Variants in GNB1L observed in about 807,000 individuals in gnomAD.
The protein encoded by GNB1L is G protein subunit beta 1 like, also known as guanine nucleotide-binding protein subunit beta-like protein 1.
In GNB1L, 20 loss-of-function variants were observed where a neutral mutation model predicts 29.1. The ratio of observed to expected loss-of-function variants is 0.69; its 90% CI spans 0.48 to 1.00. GNB1L has a LOEUF of 1.00. Among genes scored for constraint, GNB1L ranks in the 50% least tolerant of loss-of-function variants. GNB1L has a pLI of 0.00. For missense variants in GNB1L, 421 were observed against 464.9 expected, an observed-to-expected ratio of 0.91 and a Z score of 0.87; for synonymous variants, 193 against 206.5, an observed-to-expected ratio of 0.93 and a Z score of 0.56.
At chr22:19,846,004 G>A (rs1454888259) in intron 2 of GNB1L, 1 of 152,270 alleles carries the variant, frequency 6.6e-6, no homozygotes, top group Non-Finnish European at 1.5e-5. Flanking sequence ...TGGCTCACGG[G>A]TGGCTGCAGC....
chr22:19,842,990 T>C (rs929808056), intron 2 of GNB1L, among the ~76,000 whole-genome samples: 1 of 152,236 alleles, frequency 6.6e-6, no homozygotes, highest in Non-Finnish European at 1.5e-5. Flanking sequence ...GGGGCTCCGT[T>C]TGGCGATTCG....
chr22:19,848,530 T>C, intron 2 of GNB1L: 2 of 985,534 alleles, frequency 2.0e-6, no homozygotes, highest in Non-Finnish European at 2.4e-6. Context: ...GAGTCCATCG[T>C]TGCCTCCACC....
intron 6 of GNB1L, among the ~76,000 whole-genome samples, chr22:19,803,918 C>T (rs528591601): frequency 2.6e-5 from 4 of 152,390 alleles, no homozygotes; most frequent in East Asian, 3.9e-4. Flanking sequence ...TGGGGCTGCT[C>T]CCATCACCGA....
chr22:19,850,405 C>T, intron 2 of GNB1L: 4 of 990,544 alleles, frequency 4.0e-6, no homozygotes, highest in Non-Finnish European at 4.8e-6. Context: ...GCGGAGTGAG[C>T]AGGGGATGGC....
intron 2 of GNB1L, among the ~76,000 whole-genome samples, chr22:19,844,144 G>A (rs1347060521): frequency 6.6e-6 from 1 of 152,210 alleles, no homozygotes; most frequent in Middle Eastern, 3.2e-3. Flanking sequence ...ACCCCACCAG[G>A]TCTGTGCCGC....
intron 2 of GNB1L, chr22:19,851,025 C>G (rs1369209275): frequency 6.9e-7 from 1 of 1,441,676 alleles, no homozygotes; most frequent in Non-Finnish European, 9.1e-7. Context: ...AGCGCAGAGT[C>G]CAAAACAAGC....
intron 2 of GNB1L, chr22:19,846,466 G>A (rs1052988): frequency 0.22 from 218,700 of 984,204 alleles, 24,853 homozygotes; most frequent in Middle Eastern, 0.26. Flanking sequence ...AGAACCCAGG[G>A]CCTGGGGGAC....
At chr22:19,810,457 C>CG (rs971786698) in intron 5 of GNB1L, among the ~76,000 whole-genome samples, 1 of 152,074 alleles carries the variant, frequency 6.6e-6, no homozygotes, top group Non-Finnish European at 1.5e-5. Context: ...CAGGAGGGAG[C>CG]GGGGGTGGCG....
At chr22:19,854,167 T>G (rs1938179143) in intron 2 of GNB1L, among the ~76,000 whole-genome samples, 1 of 152,202 alleles carries the variant, frequency 6.6e-6, no homozygotes, top group African/African-American at 2.4e-5. Flanking sequence ...CCACACTGCC[T>G]GGCATAGAAG....
At chr22:19,849,215 A>G (rs1301982071) in intron 2 of GNB1L, 5 of 985,220 alleles carry the variant, frequency 5.1e-6, no homozygotes, top group Non-Finnish European at 6.0e-6. Flanking sequence ...CTTCCCACCT[A>G]TTTCCAAGGT....
intron 2 of GNB1L, among the ~76,000 whole-genome samples, chr22:19,836,088 A>T (rs1937760613): frequency 6.6e-6 from 1 of 152,204 alleles, no homozygotes. Context: ...AAAGAATAGT[A>T]AAACAAATGA....
chr22:19,845,816 G>A (rs1937948701), intron 2 of GNB1L, among the ~76,000 whole-genome samples: 1 of 152,256 alleles, frequency 6.6e-6, no homozygotes, highest in South Asian at 2.1e-4. Context: ...GGCTGGGCAA[G>A]GGCCATGACA....
Position 19,788,506 on chromosome 22 carries a change from C to T in GNB1L, c.*203G>A, listed in dbSNP as rs958554298. 1 of 723,384 alleles carries T rather than the reference C, an allele frequency of 1.4e-6. No homozygotes were observed. The highest frequency in any genetic ancestry group is 2.1e-5 in the Admixed American group (1 of 46,978). 44.8% of individuals were successfully genotyped at this position (723,384 alleles called of 1,614,324 possible). On this transcript the variant is annotated 3_prime_UTR_variant, in exon 8 of 8. Transcript: ENST00000329517. ...CTGCAGGCCTCGGACGGCCAGGGCT[C>T]TGGCTGGCCCCCAGAGTCACCGTCC... is the stretch of plus-strand genomic sequence containing the variant.
chr22:19,805,642 C>T (rs1937425034), intron 6 of GNB1L, among the ~76,000 whole-genome samples: 2 of 152,102 alleles, frequency 1.3e-5, no homozygotes, highest in African/African-American at 4.8e-5. Context: ...ATTAGCCGGG[C>T]GTGGTGGCGG....
intron 6 of GNB1L, 124 bp from the exon 7 acceptor site, chr22:19,802,340 C>T (rs566852346): frequency 3.1e-4 from 230 of 730,782 alleles, no homozygotes; most frequent in Admixed American, 5.9e-4. Context: ...ATGTCTTCCA[C>T]GTGGCTGCCA....
intron 5 of GNB1L, among the ~76,000 whole-genome samples, chr22:19,807,895 A>G (rs1014666240): frequency 7.2e-5 from 11 of 152,182 alleles, no homozygotes; most frequent in Admixed American, 6.5e-4. Context: ...CAGGCATGCT[A>G]TGGGTGTGCT....
chr22:19,811,123 G>A (rs1937495403), intron 5 of GNB1L, among the ~76,000 whole-genome samples: 2 of 152,208 alleles, frequency 1.3e-5, no homozygotes, highest in East Asian at 3.8e-4. Flanking sequence ...CAGGTTTTTG[G>A]CAGATTGGCA....
At position 19,788,265 on chromosome 22, in the gene GNB1L, C is replaced by G; in HGVS notation, c.*444G>C. ...GGTTGGGGCCTATCATCTCCTGAGG[C>G]CTGGCCCAGGAAACCCACACTCGGG... is the stretch of plus-strand genomic sequence containing the variant. On this transcript the variant is annotated 3_prime_UTR_variant, in exon 8 of 8. Coordinates refer to ENST00000329517, the MANE Select transcript of GNB1L (RefSeq NM_053004.3). 2.2e-6 allele frequency: 1 copy of G among 447,112 alleles called. No homozygotes were observed. The allele number at this position is 447,112 out of a possible 1,614,324, so 27.7% of individuals were successfully genotyped here. A position where few individuals can be genotyped will look rare whatever the true frequency, so the allele number is the denominator to read the frequency against.
chr22:19,794,400 C>T (rs1937283879), intron 7 of GNB1L, among the ~76,000 whole-genome samples: 1 of 152,214 alleles, frequency 6.6e-6, no homozygotes, highest in Non-Finnish European at 1.5e-5. Context: ...ATGTAAACAA[C>T]ACTGATTCTA....
Sources: allele counts gnomAD v4.1 joint callset (sites outside exome capture counted in the v4.1 genomes callset), GRCh38; gene constraint gnomAD v4.1.1; transcripts MANE v1.5; gene names NCBI Gene and HGNC (gene_info 2026-07-23, HGNC 2026-07-21).